The following PCDH15 variants were observed in gnomAD, a reference collection of about 807,000 sequenced individuals.
The protein encoded by PCDH15 is protocadherin-15.
PCDH15 carries 129 observed loss-of-function variants against 178.5 expected under a neutral mutation model. The ratio of observed to expected loss-of-function variants is 0.72; its 90% CI spans 0.63 to 0.84. The LOEUF (loss-of-function observed/expected upper bound fraction) is 0.84. Ranked by LOEUF, PCDH15 falls within the 40% of genes least tolerant of loss-of-function variation. The probability of loss-of-function intolerance (pLI) is 0.00; values close to 1 mark genes in which losing one functional copy is unlikely to be tolerated. For missense variants in PCDH15, 2,230 were observed against 2,099.9 expected (o/e 1.06, Z -1.21); for synonymous variants, 800 against 732.0 (o/e 1.09, Z -1.50).
At chr10:53,821,127 AAAG>A in intron 32 of PCDH15, 1 of 979,124 alleles carries the variant, frequency 1.0e-6, no homozygotes, top group South Asian at 4.7e-5. Context: ...TTTTCATTAT[AAAG>A]AAGGGAAGGG....
chr10:55,302,101 T>C (rs957702415), intron 1 of PCDH15, among the ~76,000 whole-genome samples: 1 of 152,182 alleles, frequency 6.6e-6, no homozygotes, highest in African/African-American at 2.4e-5. Flanking sequence ...AATATTATTG[T>C]CTAAAATTTG....
chr10:55,379,926 A>G (rs567053594), intron 2 of PCDH15, among the ~76,000 whole-genome samples: 1 of 152,270 alleles, frequency 6.6e-6, no homozygotes, highest in Non-Finnish European at 1.5e-5. Flanking sequence ...GGTACTAAAG[A>G]GTAAAGAAAA....
At chr10:54,616,518 G>A (rs544040239) in intron 2 of PCDH15, among the ~76,000 whole-genome samples, 3 of 152,146 alleles carry the variant, frequency 2.0e-5, no homozygotes, top group African/African-American at 7.2e-5. Context: ...CACAGGATGT[G>A]CTTGTTAAAA....
At chr10:54,780,067 T>C (rs1354927174) in intron 1 of PCDH15, among the ~76,000 whole-genome samples, 1 of 152,132 alleles carries the variant, frequency 6.6e-6, no homozygotes, top group Non-Finnish European at 1.5e-5. Context: ...TTGAATTCTA[T>C]ATAGAATTAC....
At position 53,888,693 on chromosome 10, in the gene PCDH15, ATATATATAT is replaced by A. The variant is rs1175385715; in HGVS notation, c.3501+14541_3501+14549del. Among the ~76,000 whole-genome samples, 251 of 50,262 alleles carry A rather than the reference ATATATATAT, an allele frequency of 5.0e-3. 39 individuals are homozygous for A. Among genetic ancestry groups the A allele is most frequent in the Admixed American group, 9.3e-3 (28 of 3,000 alleles). 33.0% of individuals were successfully genotyped at this position (50,262 alleles called of 152,430 possible). A position where few individuals can be genotyped will look rare whatever the true frequency, so the allele number is the denominator to read the frequency against. On this transcript the variant is annotated intron_variant, in intron 26 of 37. Transcript: ENST00000644397. ...TATATATATATATATATATATATATATATATATATATCTCCTGTGGAAATTGATAAGCTG... is the reference window on the plus strand; with the variant it reads ...TATATATATATATATATATATATATAATCTCCTGTGGAAATTGATAAGCTG...
At chr10:54,545,448 A>T (rs2085735801) in intron 2 of PCDH15, among the ~76,000 whole-genome samples, 1 of 152,012 alleles carries the variant, frequency 6.6e-6, no homozygotes, top group Admixed American at 6.5e-5. Context: ...AAATTGTCAA[A>T]ATTTTATTAA....
Position 55,316,480 on chromosome 10 carries a change from T to G in PCDH15, c.-156+3119A>C, listed in dbSNP as rs543949546. Among the ~76,000 whole-genome samples the G allele has an allele frequency of 1.3e-4, 20 of 152,294 alleles. No individual in the cohort carries two copies. The South Asian group carries it at 1.5e-3, about 11-fold the overall frequency. On this transcript the variant is annotated intron_variant, in intron 1 of 5. Transcript: ENST00000458638. Reference sequence around the variant, plus strand: ...AAGTATATTGAATTTTAATATCAGTTGCAGGATATTAATAATATTTATAAA... The same window carrying G: ...AAGTATATTGAATTTTAATATCAGTGGCAGGATATTAATAATATTTATAAA...
chr10:54,678,983 G>A (rs1282197950), intron 1 of PCDH15, among the ~76,000 whole-genome samples: 2 of 151,946 alleles, frequency 1.3e-5, no homozygotes, highest in East Asian at 1.9e-4. Context: ...GAGGTCAGGA[G>A]ATCGAGACCA....
intron 25 of PCDH15, among the ~76,000 whole-genome samples, chr10:53,913,227 T>A (rs1314479398): frequency 1.3e-5 from 2 of 152,174 alleles, no homozygotes; most frequent in African/African-American, 4.8e-5. Flanking sequence ...CTGGGAAAAG[T>A]GGCTAGCCAT....
At chr10:54,544,865 C>T (rs796561352) in intron 2 of PCDH15, among the ~76,000 whole-genome samples, 7 of 152,248 alleles carry the variant, frequency 4.6e-5, no homozygotes, top group African/African-American at 1.7e-4. Flanking sequence ...TACTTGAGTA[C>T]AGTGCTAGAA....
intron 2 of PCDH15, among the ~76,000 whole-genome samples, chr10:54,958,815 AC>A (rs1838563663): frequency 6.6e-6 from 1 of 151,830 alleles, no homozygotes; most frequent in East Asian, 1.9e-4. Context: ...TTAAAGCAAA[AC>A]TTCTAGATAA....
Position 54,287,381 on chromosome 10 carries a change from T to C in PCDH15, c.876+29890A>G, listed in dbSNP as rs577935194. ...TTTATAGTACATGAAGACAGAAATA[T>C]TATAGTTTCTGTTTCATGTAGCACA... On this transcript the variant is annotated intron_variant, in intron 8 of 37. Coordinates refer to ENST00000644397, the MANE Select transcript of PCDH15 (RefSeq NM_001384140.1). Among the ~76,000 whole-genome samples the C allele has an allele frequency of 1.7e-3, 264 of 152,298 alleles. 2 individuals are homozygous for C. The highest frequency in any genetic ancestry group is 6.1e-3 in the African/African-American group (255 of 41,576).
intron 2 of PCDH15, among the ~76,000 whole-genome samples, chr10:54,602,552 G>T (rs745965770): frequency 2.0e-5 from 3 of 151,956 alleles, no homozygotes; most frequent in Admixed American, 6.6e-5. Context: ...GGATTTTAGA[G>T]GAGAGGCTTT....
rs146569726 is a variant in PCDH15 at position 54,002,773 on chromosome 10, A to G, written c.2752-7008T>C. Among the ~76,000 whole-genome samples the G allele has an allele frequency of 6.9e-3, 1,047 of 152,262 alleles. 10 individuals carry two copies. The highest frequency in any genetic ancestry group is 0.021 in the African/African-American group (872 of 41,554). On this transcript the variant is annotated intron_variant, in intron 20 of 37. Coordinates refer to ENST00000644397, the MANE Select transcript of PCDH15 (RefSeq NM_001384140.1). The stretch of plus-strand genomic sequence containing the variant: ...TTTTGAGTTCTTAATCAATAAAGTG[A>G]AGGATTCAAAGTTAACCACTCCAAG...
chr10:54,447,386 A>T (rs542856235), intron 3 of PCDH15, among the ~76,000 whole-genome samples: 1 of 151,402 alleles, frequency 6.6e-6, no homozygotes, highest in Non-Finnish European at 1.5e-5. Context: ...ACATCTCCGC[A>T]ATTTCCCCCA....
At chr10:55,397,371 T>C (rs1837955094) in intron 2 of PCDH15, among the ~76,000 whole-genome samples, 1 of 152,160 alleles carries the variant, frequency 6.6e-6, no homozygotes, top group African/African-American at 2.4e-5. Context: ...TATTCTCTTT[T>C]TTCAAATGTA....
intron 1 of PCDH15, among the ~76,000 whole-genome samples, chr10:54,681,358 A>G (rs1354734481): frequency 3.3e-5 from 5 of 152,214 alleles, no homozygotes; most frequent in African/African-American, 1.2e-4. Flanking sequence ...CATGGCACTA[A>G]CATAGGCTAT....
intron 26 of PCDH15, among the ~76,000 whole-genome samples, chr10:53,884,656 C>G (rs962593460): frequency 6.6e-6 from 1 of 151,832 alleles, no homozygotes; most frequent in East Asian, 1.9e-4. Context: ...ACTGTTAAGT[C>G]CAGTAGGAAT....
chr10:54,731,561 T>TACACACACACACAC (rs1259614508), intron 1 of PCDH15, among the ~76,000 whole-genome samples: 5 of 48,304 alleles, frequency 1.0e-4, no homozygotes, highest in African/African-American at 2.9e-4. Flanking sequence ...TATATATATA[T>TACACACACACACAC]ATACACACAC....
Sources: allele counts gnomAD v4.1 joint callset (sites outside exome capture counted in the v4.1 genomes callset), GRCh38; gene constraint gnomAD v4.1.1; transcripts MANE v1.5; gene names NCBI Gene and HGNC (gene_info 2026-07-23, HGNC 2026-07-21).